TF: variants seen among roughly 807,000 people sequenced by gnomAD.
The protein encoded by TF is transferrin.
A neutral mutation model predicts 82.4 loss-of-function variants in TF; 55 were observed. That is an observed-to-expected ratio of 0.67 (90% CI 0.54 to 0.84). The LOEUF (loss-of-function observed/expected upper bound fraction) is 0.84, where lower values mean the gene tolerates loss of function less well. Among genes scored for constraint, TF ranks in the 40% least tolerant of loss-of-function variants. The probability of loss-of-function intolerance (pLI) is 0.00; values close to 1 mark genes in which losing one functional copy is unlikely to be tolerated. For missense variants in TF, 737 were observed against 868.4 expected, an observed-to-expected ratio of 0.85 and a Z score of 1.90; for synonymous variants, 332 against 332.6, an observed-to-expected ratio of 1.00 and a Z score of 0.02.
upstream of TF, among the ~76,000 whole-genome samples, chr3:133,741,939 A>C (rs1933402171): frequency 6.6e-6 from 1 of 152,200 alleles, no homozygotes; most frequent in Non-Finnish European, 1.5e-5. Flanking sequence ...ACATTAGTTA[A>C]GGAGTGTTCC....
the TF span, among the ~76,000 whole-genome samples, chr3:133,680,639 C>T: frequency 5.3e-5 from 8 of 151,820 alleles, no homozygotes; most frequent in African/African-American, 1.9e-4. Context: ...CATAATTCTA[C>T]TCCCTTGGTT....
At chr3:133,752,737 A>G (rs1184010405) in intron 2 of TF, among the ~76,000 whole-genome samples, 2 of 152,212 alleles carry the variant, frequency 1.3e-5, no homozygotes, top group Non-Finnish European at 2.9e-5. Flanking sequence ...TCCATGACTT[A>G]CTGGCTATGT....
chr3:133,778,979 C>T lies in TF; in HGVS notation c.*359C>T, dbSNP rs1044571901. 13 of 296,636 alleles carry T rather than the reference C, an allele frequency of 4.4e-5. No individual in the cohort carries two copies. Among genetic ancestry groups the T allele is most frequent in the East Asian group, 4.3e-4 (5 of 11,708 alleles). The allele number at this position is 296,636 out of a possible 1,614,324, so 18.4% of individuals were successfully genotyped here. On this transcript the variant is annotated 3_prime_UTR_variant, in exon 17 of 17. Transcript: ENST00000402696. ...GAGACATCTTTTCTAAAAGGGTCTGCGTGATCATTAAAATATAATCAAATG... is the reference window on the plus strand; with the variant it reads ...GAGACATCTTTTCTAAAAGGGTCTGTGTGATCATTAAAATATAATCAAATG...
At chr3:133,743,360 C>T (rs1208613671), upstream of TF, among the ~76,000 whole-genome samples, 1 of 152,032 alleles carries the variant, frequency 6.6e-6, no homozygotes, top group African/African-American at 2.4e-5. Context: ...CTGACCAGCC[C>T]CTGTGCTGGC....
chr3:133,727,311 A>T, the TF span, among the ~76,000 whole-genome samples: 1 of 151,438 alleles, frequency 6.6e-6, no homozygotes, highest in Non-Finnish European at 1.5e-5. Context: ...TAGGTCACTC[A>T]GGACTTGCTT....
chr3:133,662,743 A>T, the TF span, among the ~76,000 whole-genome samples: 169 of 152,272 alleles, frequency 1.1e-3, 1 homozygote, highest in African/African-American at 2.9e-3. Context: ...ATTCTTTTTT[A>T]AAAAAATTTT....
At chr3:133,688,775 C>G in the TF span, among the ~76,000 whole-genome samples, 4 of 151,886 alleles carry the variant, frequency 2.6e-5, no homozygotes, top group African/African-American at 7.3e-5. Context: ...ATAGAAGAAA[C>G]AAACAAAAAC....
chr3:133,705,368 C>T, the TF span, among the ~76,000 whole-genome samples: 10 of 152,076 alleles, frequency 6.6e-5, no homozygotes, highest in East Asian at 1.9e-4. Flanking sequence ...CTTTCCCTCC[C>T]GTATAGCAAA....
intron 14 of TF, among the ~76,000 whole-genome samples, chr3:133,772,260 T>G (rs972287441): frequency 1.1e-4 from 16 of 152,226 alleles, no homozygotes; most frequent in African/African-American, 3.9e-4. Context: ...GTATTATTGC[T>G]TTTTCCTTTA....
chr3:133,718,410 G>A, the TF span, among the ~76,000 whole-genome samples: 1 of 152,118 alleles, frequency 6.6e-6, no homozygotes, highest in African/African-American at 2.4e-5. Context: ...TGGAGATGCA[G>A]GCTGGCAGAT....
intron 14 of TF, chr3:133,775,028 T>TC: frequency 3.1e-6 from 1 of 327,668 alleles, no homozygotes; most frequent in African/African-American, 2.1e-5. Context: ...TGAGGAAAAG[T>TC]TCTTTTGTTT....
intron 4 of TF, 89 bp from the exon 5 acceptor site, chr3:133,755,274 C>A: frequency 1.3e-6 from 2 of 1,590,794 alleles, no homozygotes; most frequent in Admixed American, 3.3e-5. Context: ...TTAGTCCCCT[C>A]TGTTCCCTGA....
chr3:133,740,254 G>T, the TF span, among the ~76,000 whole-genome samples: 1 of 152,152 alleles, frequency 6.6e-6, no homozygotes, highest in Non-Finnish European at 1.5e-5. Context: ...AATACCACAT[G>T]TTCTCACTCA....
chr3:133,757,456 C>T (rs1933867613), intron 7 of TF, among the ~76,000 whole-genome samples: 2 of 152,212 alleles, frequency 1.3e-5, no homozygotes, highest in Admixed American at 6.5e-5. Flanking sequence ...CCGAGCCGTC[C>T]CATCTGTCCA....
chr3:133,753,885 G>T (rs987909072), intron 3 of TF, 182 bp downstream of exon 3: 2 of 674,834 alleles, frequency 3.0e-6, no homozygotes, highest in East Asian at 2.7e-5. Flanking sequence ...GGGGCTTTGG[G>T]CTGGCTGAGG....
chr3:133,708,785 C>T, the TF span, among the ~76,000 whole-genome samples: 68 of 142,270 alleles, frequency 4.8e-4, no homozygotes, highest in South Asian at 4.8e-3. Flanking sequence ...TTTTTTTTTC[C>T]GAAAGAGCAA....
At chr3:133,699,626 A>G in the TF span, 3 of 526,262 alleles carry the variant, frequency 5.7e-6, no homozygotes, top group Admixed American at 3.9e-5. Context: ...AGGTCCAGGT[A>G]TCCCCACCTG....
In TF at chr3:133,777,103, T is replaced by C. The variant is rs1276253291; in HGVS notation, c.1927T>C (p.Ser643Pro). The change falls in exon 16 of 17, where the codon TCG becomes CCG. Residue 643 changes from serine to proline, a missense_variant. By Grantham distance (74) the Ser-to-Pro change is moderately conservative. Coordinates refer to ENST00000402696, the MANE Select transcript of TF (RefSeq NM_001063.4). ...DCSGNFCLFRSETKDLLFRDD... is the reference protein window; with the variant it reads ...DCSGNFCLFRPETKDLLFRDD... Reference sequence around the variant, plus strand: ...CTCGGGCAACTTTTGTTTGTTCCGGTCGGAAACCAAGGACCTTCTGTTCAG... The same window carrying C: ...CTCGGGCAACTTTTGTTTGTTCCGGCCGGAAACCAAGGACCTTCTGTTCAG... 6.2e-7 allele frequency: 1 copy of C among 1,614,172 alleles called. No homozygotes were observed. Among genetic ancestry groups the C allele is most frequent in the South Asian group, 1.1e-5 (1 of 91,084 alleles).
the TF span, among the ~76,000 whole-genome samples, chr3:133,680,126 T>C: frequency 6.6e-6 from 1 of 152,220 alleles, no homozygotes; most frequent in Non-Finnish European, 1.5e-5. Flanking sequence ...ATGATGTTTC[T>C]ATGTGAAATT....
Sources: allele counts gnomAD v4.1 joint callset (sites outside exome capture counted in the v4.1 genomes callset), GRCh38; gene constraint gnomAD v4.1.1; transcripts MANE v1.5; gene names NCBI Gene and HGNC (gene_info 2026-07-23, HGNC 2026-07-21).